RBMS3: variants seen among roughly 807,000 people sequenced by gnomAD.
RBMS3 encodes the protein RNA binding motif single stranded interacting protein 3, also known as RNA-binding motif, single-stranded-interacting protein 3.
RBMS3 carries 27 observed loss-of-function variants against 66.8 expected under a neutral mutation model. That is an observed-to-expected ratio of 0.40 (90% CI 0.30 to 0.56). The LOEUF (loss-of-function observed/expected upper bound fraction) is 0.56. RBMS3 is among the 20% of genes least tolerant of loss of function. The pLI, the probability that RBMS3 is intolerant of heterozygous loss-of-function variation, is 0.40. For synonymous variants in RBMS3, 188 were observed against 183.0 expected (o/e 1.03, Z -0.22); for missense variants, 513 against 549.5 (o/e 0.93, Z 0.66).
chr3:29,688,419 C>T lies in RBMS3; in HGVS notation c.400-51301C>T, dbSNP rs932086116. Among the ~76,000 whole-genome samples the T allele has an allele frequency of 2.0e-5, 3 of 152,090 alleles. No individual in the cohort carries two copies. The South Asian group carries it at 6.2e-4, about 32-fold the overall frequency. Reference sequence around the variant, plus strand: ...TTTCTATCCACAAACTATAATCCTTCTAAAGACTTCATACACTCTCATCAT... The same window carrying T: ...TTTCTATCCACAAACTATAATCCTTTTAAAGACTTCATACACTCTCATCAT... On this transcript the variant is annotated intron_variant, in intron 4 of 14. Coordinates refer to ENST00000383767, the MANE Select transcript of RBMS3 (RefSeq NM_001003793.3).
intron 6 of RBMS3, among the ~76,000 whole-genome samples, chr3:29,814,858 GA>G (rs1408216232): frequency 2.0e-4 from 30 of 152,246 alleles, no homozygotes; most frequent in African/African-American, 7.0e-4. Context: ...TAAGAGCCTG[GA>G]AAATAACTAA....
At chr3:29,605,935 C>A (rs2048306225) in intron 4 of RBMS3, among the ~76,000 whole-genome samples, 2 of 148,638 alleles carry the variant, frequency 1.3e-5, no homozygotes, top group East Asian at 2.0e-4. Context: ...ATTTTCCCCT[C>A]TTTCTGGCTT....
chr3:29,880,907 C>A, intron 7 of RBMS3: 1 of 1,315,240 alleles, frequency 7.6e-7, no homozygotes, highest in Non-Finnish European at 1.1e-6. Context: ...GGTACCTACT[C>A]TAGTTACTCA....
At chr3:29,915,954 G>A (rs1026738980) in intron 10 of RBMS3, among the ~76,000 whole-genome samples, 2 of 151,990 alleles carry the variant, frequency 1.3e-5, no homozygotes, top group African/African-American at 4.8e-5. Flanking sequence ...TAAAGATTCA[G>A]CAAGGCAGCT....
chr3:29,741,695 A>G (rs946104534), intron 5 of RBMS3, among the ~76,000 whole-genome samples: 2 of 152,246 alleles, frequency 1.3e-5, no homozygotes, highest in African/African-American at 4.8e-5. Context: ...GGTCTGTCAT[A>G]ACAAAATGTC....
At chr3:29,843,349 A>G (rs988672441) in intron 6 of RBMS3, among the ~76,000 whole-genome samples, 4 of 152,210 alleles carry the variant, frequency 2.6e-5, no homozygotes, top group African/African-American at 9.6e-5. Context: ...AGAGTTTAAA[A>G]TCTAGAGATA....
intron 4 of RBMS3, among the ~76,000 whole-genome samples, chr3:29,702,385 A>G (rs1352866467): frequency 6.6e-6 from 1 of 152,164 alleles, no homozygotes; most frequent in East Asian, 1.9e-4. Context: ...TGTTAAACAG[A>G]CCAATCAGGT....
chr3:29,738,178 A>G (rs2054465022), intron 4 of RBMS3, among the ~76,000 whole-genome samples: 1 of 152,152 alleles, frequency 6.6e-6, no homozygotes, highest in Admixed American at 6.5e-5. Context: ...CAACATTTGG[A>G]TTCTTGTTTA....
intron 12 of RBMS3, among the ~76,000 whole-genome samples, chr3:29,948,370 A>G (rs977508236): frequency 2.6e-5 from 4 of 151,796 alleles, no homozygotes; most frequent in Non-Finnish European, 4.4e-5. Context: ...GTCCAAGCAA[A>G]GATTTAATTG....
chr3:29,678,942 C>G (rs531220388), intron 4 of RBMS3, among the ~76,000 whole-genome samples: 2 of 152,086 alleles, frequency 1.3e-5, no homozygotes, highest in African/African-American at 2.4e-5. Flanking sequence ...AAAAGCTGAA[C>G]AAATAATTTA....
chr3:29,722,044 C>T (rs1246990990), intron 4 of RBMS3, among the ~76,000 whole-genome samples: 1 of 152,154 alleles, frequency 6.6e-6, no homozygotes, highest in African/African-American at 2.4e-5. Context: ...GTTTGGTATT[C>T]TTTCTGTCTC....
In RBMS3 at chr3:29,504,338, C is replaced by G. The variant is rs186780298; in HGVS notation, c.307+15839C>G. On this transcript the variant is annotated intron_variant, in intron 3 of 14. Coordinates refer to ENST00000383767, the MANE Select transcript of RBMS3 (RefSeq NM_001003793.3). ...GGACCTTATGAGTTTTAGGGGGCCA[C>G]AAAACATGAACCCAAATAAAGTGGA... 4.2e-4 allele frequency among the ~76,000 whole-genome samples: 64 copies of G among 151,994 alleles called. 1 individual carries two copies. The highest frequency in any genetic ancestry group is 1.5e-3 in the African/African-American group (61 of 41,476).
chr3:29,984,303 C>G (rs1698215354), intron 12 of RBMS3, among the ~76,000 whole-genome samples: 1 of 151,898 alleles, frequency 6.6e-6, no homozygotes, highest in Admixed American at 6.6e-5. Flanking sequence ...TTCTAGTCAG[C>G]AATTCCTCTA....
At chr3:29,426,856 T>C (rs1252852314) in intron 1 of RBMS3, among the ~76,000 whole-genome samples, 1 of 149,000 alleles carries the variant, frequency 6.7e-6, no homozygotes, top group Non-Finnish European at 1.5e-5. Flanking sequence ...AAAGAATTAC[T>C]GAATATTGGC....
chr3:29,376,777 G>T (rs1482699910), intron 1 of RBMS3, among the ~76,000 whole-genome samples: 2 of 151,936 alleles, frequency 1.3e-5, no homozygotes, highest in African/African-American at 4.8e-5. Context: ...GTGGTGGCGG[G>T]CGCCTGTAGT....
chr3:29,905,500 A>G (rs1316448000), intron 10 of RBMS3, among the ~76,000 whole-genome samples: 2 of 152,018 alleles, frequency 1.3e-5, no homozygotes, highest in Admixed American at 6.6e-5. Context: ...GAAACCCTCT[A>G]TATTTCGTCC....
chr3:29,928,908 T>A (rs1332683871), intron 10 of RBMS3, among the ~76,000 whole-genome samples: 5 of 152,218 alleles, frequency 3.3e-5, no homozygotes. Flanking sequence ...TCATTAGTTA[T>A]GCGATTGGAA....
intron 1 of RBMS3, among the ~76,000 whole-genome samples, chr3:29,401,189 G>T (rs1450429287): frequency 3.3e-5 from 5 of 151,966 alleles, no homozygotes. Context: ...TCTCCCAACA[G>T]GCATACCTAT....
At chr3:29,606,380 A>C (rs1246164025) in intron 4 of RBMS3, among the ~76,000 whole-genome samples, 1 of 151,966 alleles carries the variant, frequency 6.6e-6, no homozygotes, top group African/African-American at 2.4e-5. Flanking sequence ...AAAAGATTTT[A>C]CTGACAAACA....
Sources: allele counts gnomAD v4.1 joint callset (sites outside exome capture counted in the v4.1 genomes callset), GRCh38; gene constraint gnomAD v4.1.1; transcripts MANE v1.5; gene names NCBI Gene and HGNC (gene_info 2026-07-23, HGNC 2026-07-21).